The following NYAP1 variants were observed in gnomAD, a reference collection of about 807,000 sequenced individuals.
NYAP1 encodes the protein neuronal tyrosine-phosphorylated phosphoinositide-3-kinase adapter 1.
Under a neutral mutation model 58.6 loss-of-function variants are expected in NYAP1, and 20 were observed. That is an observed-to-expected ratio of 0.34 (90% CI 0.24 to 0.50). The LOEUF is 0.50. NYAP1 is among the 20% of genes least tolerant of loss of function. NYAP1 has a pLI of 0.98. For missense variants in NYAP1, 1,150 were observed against 1,194.5 expected (o/e 0.96, Z 0.55); for synonymous variants, 572 against 523.1 (o/e 1.09, Z -1.27).
At position 100,490,877 on chromosome 7, in the gene NYAP1, C is replaced by G; in HGVS notation, c.2159-109C>G. 1.9e-6 allele frequency: 2 copies of G among 1,079,666 alleles called. No homozygotes were observed. The highest frequency in any genetic ancestry group is 2.6e-6 in the Non-Finnish European group (2 of 756,306). 66.9% of individuals were successfully genotyped at this position (1,079,666 alleles called of 1,614,324 possible). A position where few individuals can be genotyped will look rare whatever the true frequency, so the allele number is the denominator to read the frequency against. On this transcript the variant is annotated intron_variant, in intron 5 of 6. Transcript: ENST00000300179. The surrounding 1 kb of genome is among the most constrained non-coding windows in gnomAD (Gnocchi z 4.6). ...ATACCACATCTCCACCCCTTTTTCCCTTCTGATGAGGCAGGGGCAGCCTGG... is the reference window on the plus strand; with the variant it reads ...ATACCACATCTCCACCCCTTTTTCCGTTCTGATGAGGCAGGGGCAGCCTGG...
In NYAP1 at chr7:100,494,079, A is replaced by G; in HGVS notation, c.*176A>G. 1 of 573,748 alleles carries G rather than the reference A, an allele frequency of 1.7e-6. No homozygotes were observed. The highest frequency in any genetic ancestry group is 2.9e-6 in the Non-Finnish European group (1 of 345,444). The allele number at this position is 573,748 out of a possible 1,614,324, so 35.5% of individuals were successfully genotyped here. A position where few individuals can be genotyped will look rare whatever the true frequency, so the allele number is the denominator to read the frequency against. On this transcript the variant is annotated 3_prime_UTR_variant, in exon 7 of 7. Coordinates refer to ENST00000300179, the MANE Select transcript of NYAP1 (RefSeq NM_173564.4). ...AGAGTCTGCCAGGCCCATTGGGCTTAGGATGCCAACAGCGCTGCTGAGAAA... is the reference window on the plus strand; with the variant it reads ...AGAGTCTGCCAGGCCCATTGGGCTTGGGATGCCAACAGCGCTGCTGAGAAA...
At chr7:100,492,345 G>C (rs1799808073) in intron 6 of NYAP1, among the ~76,000 whole-genome samples, 1 of 152,194 alleles carries the variant, frequency 6.6e-6, no homozygotes, top group African/African-American at 2.4e-5. Context: ...AAGGGTTTGA[G>C]GGTTTGCTTA....
Position 100,485,436 on chromosome 7 carries a change from C to G in NYAP1, c.68+57C>G. 3 of 1,368,706 alleles carry G rather than the reference C, an allele frequency of 2.2e-6. No individual in the cohort carries two copies. The highest frequency in any genetic ancestry group is 3.1e-6 in the Non-Finnish European group (3 of 980,666). The allele number at this position is 1,368,706 out of a possible 1,614,324, so 84.8% of individuals were successfully genotyped here. A position where few individuals can be genotyped will look rare whatever the true frequency, so the allele number is the denominator to read the frequency against. On this transcript the variant is annotated intron_variant, in intron 2 of 6. Coordinates refer to ENST00000300179, the MANE Select transcript of NYAP1 (RefSeq NM_173564.4). The surrounding 1 kb of genome is among the most constrained non-coding windows in gnomAD (Gnocchi z 5.7). ...TTCCGCACCTCTGCCTGCCCCCTCA[C>G]TGGGCCACAGCCCTTCTCGGGGGCC...
intron 6 of NYAP1, among the ~76,000 whole-genome samples, chr7:100,491,844 CA>C (rs1799799065): frequency 6.6e-6 from 1 of 152,016 alleles, no homozygotes; most frequent in Non-Finnish European, 1.5e-5. Flanking sequence ...GTCAGGAGTT[CA>C]AGACTAGCCT....
chr7:100,493,693 C>A lies in NYAP1; in HGVS notation c.2316C>A (p.Ala772=). The change falls in exon 7 of 7, where the codon GCC becomes GCA. Residue 772 remains alanine, a synonymous_variant. Coordinates refer to ENST00000300179, the MANE Select transcript of NYAP1 (RefSeq NM_173564.4). Reference sequence around the variant, plus strand: ...CTCTGCCCCTGCCGCCCCAGCCGGCCCGCGAGCGTGACGGGAAGCTGCTGG... The same window carrying A: ...CTCTGCCCCTGCCGCCCCAGCCGGCACGCGAGCGTGACGGGAAGCTGCTGG... ...PLPLPLPPQP[A]RERDGKLLEV... 1 of 1,593,376 alleles carries A rather than the reference C, an allele frequency of 6.3e-7. No individual in the cohort carries two copies. The highest frequency in any genetic ancestry group is 1.3e-5 in the African/African-American group (1 of 74,762).
At chr7:100,493,603 C>T in intron 6 of NYAP1, 43 bp from the exon 7 acceptor site, 1 of 1,517,028 alleles carries the variant, frequency 6.6e-7, no homozygotes, top group South Asian at 1.2e-5. Context: ...CTGAGGTCCC[C>T]GACCTTACCC....
chr7:100,489,243 C>A lies in NYAP1; in HGVS notation c.1522C>A (p.Pro508Thr). ...MLCTSSRPPV[P>T]GKTSPHGGAM... The stretch of plus-strand genomic sequence containing the variant: ...GTGTACCAGCTCAAGGCCCCCTGTG[C>A]CAGGGAAGACCAGCCCCCACGGTGG... Residue 508 changes from proline (P) to threonine (T), a missense_variant, in exon 4 of 7, where the codon CCA becomes ACA. Pro to Thr is a conservative substitution (Grantham distance 38). Transcript: ENST00000300179. 1 of 1,604,652 alleles carries A rather than the reference C, an allele frequency of 6.2e-7. No individual in the cohort carries two copies. Among genetic ancestry groups the A allele is most frequent in the Non-Finnish European group, 8.5e-7 (1 of 1,176,274 alleles).
Position 100,488,968 on chromosome 7 carries a change from G to T in NYAP1, c.1247G>T (p.Gly416Val). ...ACACCGTTGCCACCCCAGGGCTCTG[G>T]CCAGCCCCGGGGGGAGCGGGAGCTC... is the stretch of plus-strand genomic sequence containing the variant. ...HSTPLPPQGS[G>V]QPRGERELPN... is the part of the protein sequence containing the mutation. The change falls in exon 4 of 7, where the codon GGC becomes GTC. Residue 416 changes from glycine to valine, a missense_variant. Gly to Val is a moderately radical substitution (Grantham distance 109). Transcript: ENST00000300179. This position sits in a 1 kb window ranked among gnomAD's most constrained non-coding sequence, Gnocchi z 5.9. 6.3e-7 allele frequency: 1 copy of T among 1,575,406 alleles called. No individual in the cohort carries two copies.
In NYAP1 at chr7:100,494,081, G is replaced by A. The variant is rs1799837249; in HGVS notation, c.*178G>A. On this transcript the variant is annotated 3_prime_UTR_variant, in exon 7 of 7. Coordinates refer to ENST00000300179, the MANE Select transcript of NYAP1 (RefSeq NM_173564.4). Reference sequence around the variant, plus strand: ...AGTCTGCCAGGCCCATTGGGCTTAGGATGCCAACAGCGCTGCTGAGAAACG... The same window carrying A: ...AGTCTGCCAGGCCCATTGGGCTTAGAATGCCAACAGCGCTGCTGAGAAACG... 5.3e-6 allele frequency: 3 copies of A among 562,534 alleles called. No individual in the cohort carries two copies. The allele number at this position is 562,534 out of a possible 1,614,324, so 34.8% of individuals were successfully genotyped here.
Position 100,490,668 on chromosome 7 carries a change from A to T in NYAP1, c.2097A>T (p.Gly699=). 6.4e-7 allele frequency: 1 copy of T among 1,562,088 alleles called. No homozygotes were observed. Among genetic ancestry groups the T allele is most frequent in the Middle Eastern group, 1.7e-4 (1 of 5,864 alleles). The change falls in exon 5 of 7, where the codon GGA becomes GGT. Residue 699 remains glycine (G), a synonymous_variant. Transcript: ENST00000300179. This position sits in a 1 kb window ranked among gnomAD's most constrained non-coding sequence, Gnocchi z 4.6. ...LLARIHHGDR[G]GSRTALPIPC... The stretch of plus-strand genomic sequence containing the variant: ...CCAGGATCCACCATGGAGACCGAGG[A>T]GGGAGCCGCACCGCGCTGCCCATTC...
chr7:100,486,823 C>A lies in NYAP1; in HGVS notation c.71C>A (p.Ser24Tyr). 4.7e-6 allele frequency: 7 copies of A among 1,496,722 alleles called. No homozygotes were observed. The highest frequency in any genetic ancestry group is 5.3e-6 in the Non-Finnish European group (6 of 1,127,916). The allele number at this position is 1,496,722 out of a possible 1,614,324, so 92.7% of individuals were successfully genotyped here. ...QHKEEEAKRS[S>Y]SKEVAPAGSA... ...CCATCGTGGCCTTCTCTCCCCAGCT[C>A]CAGTAAGGAGGTGGCCCCCGCTGGC... Residue 24 changes from serine (S) to tyrosine (Y), a missense_variant and splice_region_variant, in exon 3 of 7, where the codon TCC becomes TAC. Ser to Tyr is a moderately radical substitution (Grantham distance 144). Coordinates refer to ENST00000300179, the MANE Select transcript of NYAP1 (RefSeq NM_173564.4). This position sits in a 1 kb window ranked among gnomAD's most constrained non-coding sequence, Gnocchi z 6.2.
At chr7:100,484,521 G>T (rs1454494893) in intron 1 of NYAP1, among the ~76,000 whole-genome samples, 1 of 152,138 alleles carries the variant, frequency 6.6e-6, no homozygotes, top group Admixed American at 6.5e-5. Flanking sequence ...GGAAGGACTG[G>T]AAGTGGGGGA....
chr7:100,494,513 A>G lies in NYAP1; in HGVS notation c.*610A>G. On this transcript the variant is annotated 3_prime_UTR_variant, in exon 7 of 7. Transcript: ENST00000300179. Reference sequence around the variant, plus strand: ...GCATGGGGAGTGGACCGAGAGAAGAAGGGGCCCAGGGAAGCAGAGGGCCCA... The same window carrying G: ...GCATGGGGAGTGGACCGAGAGAAGAGGGGGCCCAGGGAAGCAGAGGGCCCA... 1 of 152,380 alleles carries G rather than the reference A, an allele frequency of 6.6e-6. No individual in the cohort carries two copies. The allele number at this position is 152,380 out of a possible 1,614,324, so 9.4% of individuals were successfully genotyped here.
Position 100,485,328 on chromosome 7 carries a change from G to T in NYAP1, c.17G>T (p.Arg6Leu). MNLLY[R>L]KTKLEWRQHK... is the part of the protein sequence containing the mutation. ...CCCCACGAGATGAACCTCCTCTACC[G>T]AAAAACCAAGCTGGAGTGGAGGCAG... Residue 6 changes from arginine to leucine, a missense_variant, in exon 2 of 7, where the codon CGA becomes CTA. By Grantham distance (102) the Arg-to-Leu change is moderately radical (BLOSUM62 -2). Coordinates refer to ENST00000300179, the MANE Select transcript of NYAP1 (RefSeq NM_173564.4). This position sits in a 1 kb window ranked among gnomAD's most constrained non-coding sequence, Gnocchi z 5.7. 1 of 1,599,442 alleles carries T rather than the reference G, an allele frequency of 6.3e-7. No individual in the cohort carries two copies. The highest frequency in any genetic ancestry group is 8.5e-7 in the Non-Finnish European group (1 of 1,172,434).
chr7:100,493,317 C>T (rs1328648436), intron 6 of NYAP1, among the ~76,000 whole-genome samples: 1 of 152,048 alleles, frequency 6.6e-6, no homozygotes, highest in Non-Finnish European at 1.5e-5. Context: ...GCTATGATTG[C>T]ACCACTGCAC....
chr7:100,494,238 A>G lies in NYAP1; in HGVS notation c.*335A>G, dbSNP rs1448661661. ...GGGAAGGGAGGAAGGAAGGGATGGG[A>G]GGAAGAGGGGGGTGGGTGAGCTGAA... On this transcript the variant is annotated 3_prime_UTR_variant, in exon 7 of 7. Transcript: ENST00000300179. 1 of 266,400 alleles carries G rather than the reference A, an allele frequency of 3.8e-6. No homozygotes were observed. The highest frequency in any genetic ancestry group is 7.0e-6 in the Non-Finnish European group (1 of 142,272). The allele number at this position is 266,400 out of a possible 1,614,324, so 16.5% of individuals were successfully genotyped here.
Position 100,494,023 on chromosome 7 carries a change from C to T in NYAP1, c.*120C>T, listed in dbSNP as rs1464267175. The stretch of plus-strand genomic sequence containing the variant: ...ACGTGGGAGAGTGCCAGGGAGAACC[C>T]CTGCCCTCCAACCTACCCCCCGGGA... On this transcript the variant is annotated 3_prime_UTR_variant, in exon 7 of 7. Transcript: ENST00000300179. 1 of 910,336 alleles carries T rather than the reference C, an allele frequency of 1.1e-6. No homozygotes were observed. The highest frequency in any genetic ancestry group is 1.5e-6 in the Non-Finnish European group (1 of 648,242). The allele number at this position is 910,336 out of a possible 1,614,324, so 56.4% of individuals were successfully genotyped here. A position where few individuals can be genotyped will look rare whatever the true frequency, so the allele number is the denominator to read the frequency against.
Position 100,489,314 on chromosome 7 carries a change from G to T in NYAP1, c.1593G>T (p.Leu531=). 1 of 1,603,668 alleles carries T rather than the reference G, an allele frequency of 6.2e-7. No homozygotes were observed. Among genetic ancestry groups the T allele is most frequent in the Middle Eastern group, 1.7e-4 (1 of 5,798 alleles). ...GGGTCCTCCACCACCGCGGCTGCCT[G>T]GCCTCCCCCCACAGCCTTCCGGACC... ...AAGVLHHRGC[L]ASPHSLPDPT... is the part of the protein sequence containing the mutation. Residue 531 remains leucine, a synonymous_variant, in exon 4 of 7, where the codon CTG becomes CTT. Transcript: ENST00000300179.
Position 100,493,919 on chromosome 7 carries a change from A to G in NYAP1, c.*16A>G. The G allele has an allele frequency of 7.0e-7, 1 of 1,425,966 alleles. No individual in the cohort carries two copies. Among genetic ancestry groups the G allele is most frequent in the Non-Finnish European group, 9.1e-7 (1 of 1,096,164 alleles). 88.3% of individuals were successfully genotyped at this position (1,425,966 alleles called of 1,614,324 possible). A position where few individuals can be genotyped will look rare whatever the true frequency, so the allele number is the denominator to read the frequency against. On this transcript the variant is annotated 3_prime_UTR_variant, in exon 7 of 7. Coordinates refer to ENST00000300179, the MANE Select transcript of NYAP1 (RefSeq NM_173564.4). ...CGCCATCTGAGGCGGGCGGGGGGGT[A>G]CCGGGGCGCCTGGACTGGGGAGGGG... is the stretch of plus-strand genomic sequence containing the variant.
Sources: gnomAD v4.1 joint callset for allele counts (sites outside exome capture counted in the v4.1 genomes callset) on GRCh38, gnomAD v4.1.1 for gene constraint, Gnocchi (gnomAD v3.1) non-coding constraint, MANE v1.5 for transcripts, NCBI Gene and HGNC (gene_info 2026-07-23, HGNC 2026-07-21) for gene names.